Variants in AIFM3 observed in about 807,000 individuals in gnomAD.
The protein encoded by AIFM3 is AIF family member 3.
Under a neutral mutation model 82.7 loss-of-function variants are expected in AIFM3, and 71 were observed. The ratio of observed to expected loss-of-function variants is 0.86; its 90% CI spans 0.71 to 1.05. AIFM3 has a LOEUF of 1.05. Ranked by LOEUF, AIFM3 falls within the 50% of genes least tolerant of loss-of-function variation. The probability of loss-of-function intolerance (pLI) is 0.00; values close to 1 mark genes in which losing one functional copy is unlikely to be tolerated. For synonymous variants in AIFM3, 337 were observed against 329.1 expected, an observed-to-expected ratio of 1.02 and a Z score of -0.26; for missense variants, 748 against 816.7, an observed-to-expected ratio of 0.92 and a Z score of 1.03.
In AIFM3 at chr22:20,978,063, C is replaced by T. The variant is rs977468823; in HGVS notation, c.1477+58C>T. ...GGAGGGAGTCTCAGGGTCTCAGTGT[C>T]CCCATGCCCATGCCTCAGTTGCTGA... On this transcript the variant is annotated intron_variant, in intron 16 of 20. Coordinates refer to ENST00000440238, the MANE Select transcript of AIFM3 (RefSeq NM_001386814.1). 2.0e-6 allele frequency: 3 copies of T among 1,528,874 alleles called. No homozygotes were observed. The African/African-American group carries it at 4.1e-5, about 21-fold the overall frequency. 94.7% of individuals were successfully genotyped at this position (1,528,874 alleles called of 1,614,324 possible).
At chr22:20,974,452 C>A in intron 6 of AIFM3, 73 bp from the exon 7 acceptor site, 2 of 1,562,764 alleles carry the variant, frequency 1.3e-6, no homozygotes, top group Non-Finnish European at 8.7e-7. Flanking sequence ...TGGGCTGGAG[C>A]GCCAGGACCT....
chr22:20,977,447 G>C, intron 14 of AIFM3: 1 of 606,666 alleles, frequency 1.6e-6, no homozygotes, highest in Non-Finnish European at 2.9e-6. Context: ...GGCTGAGGAG[G>C]TATGGCATGC....
At chr22:20,978,992 G>A (rs1055600782) in intron 16 of AIFM3, among the ~76,000 whole-genome samples, 7 of 152,042 alleles carry the variant, frequency 4.6e-5, no homozygotes, top group Non-Finnish European at 1.0e-4. Flanking sequence ...AAATGGTGGC[G>A]TACTCCCCCA....
At chr22:20,968,122 G>A (rs1348065314) in intron 2 of AIFM3, 147 bp downstream of exon 2, 4 of 813,948 alleles carry the variant, frequency 4.9e-6, no homozygotes, top group South Asian at 1.8e-5. Context: ...ATACGCTGCC[G>A]CCAGGAGGGG....
rs1475188294 is a variant in AIFM3 at position 20,980,078 on chromosome 22, G to T, written c.1711G>T (p.Ala571Ser). 1.9e-6 allele frequency: 3 copies of T among 1,610,734 alleles called. No homozygotes were observed. Among genetic ancestry groups the T allele is most frequent in the Admixed American group, 1.7e-5 (1 of 60,016 alleles). The change falls in exon 19 of 21, where the codon GCT becomes TCT. Residue 571 changes from alanine (A) to serine (S), a missense_variant. By Grantham distance (99) the Ala-to-Ser change is moderately conservative. This residue lies in a region of AIFM3 where 183 missense variants were observed against 158.2 expected (regional missense o/e 1.16). Transcript: ENST00000440238. ...MNYDPIVSKV[A>S]EVLASGRAIR... ...CTACGATCCCATTGTGTCCAAGGTCGCTGAGGTGCTGGCCTCAGGCCGTGC... is the reference window on the plus strand; with the variant it reads ...CTACGATCCCATTGTGTCCAAGGTCTCTGAGGTGCTGGCCTCAGGCCGTGC...
intron 2 of AIFM3, among the ~76,000 whole-genome samples, chr22:20,968,611 G>T (rs1372119059): frequency 2.0e-5 from 3 of 152,268 alleles, no homozygotes; most frequent in African/African-American, 7.2e-5. Flanking sequence ...GGGGAGGCCT[G>T]GGTCTTTTCT....
chr22:20,971,679 G>C (rs1033395072), intron 2 of AIFM3, among the ~76,000 whole-genome samples: 5 of 152,192 alleles, frequency 3.3e-5, no homozygotes, highest in Non-Finnish European at 7.4e-5. Context: ...CTGGTGCCTT[G>C]GGAAGTGAGA....
intron 16 of AIFM3, among the ~76,000 whole-genome samples, 192 bp from the exon 17 acceptor site, chr22:20,979,079 G>T (rs562733130): frequency 4.6e-5 from 7 of 152,318 alleles, no homozygotes; most frequent in African/African-American, 1.7e-4. Flanking sequence ...GGCTAGCTTT[G>T]AGGCAGGTGT....
At position 20,973,801 on chromosome 22, in the gene AIFM3, A is replaced by G; in HGVS notation, c.289A>G (p.Lys97Glu). 6.3e-7 allele frequency: 1 copy of G among 1,583,862 alleles called. No homozygotes were observed. The highest frequency in any genetic ancestry group is 2.3e-5 in the East Asian group (1 of 43,750). The change falls in exon 4 of 21, where the codon AAG becomes GAG. Residue 97 changes from lysine (K) to glutamate (E), a missense_variant. Transcript: ENST00000440238. ...GGGCTGGGGGAAGGTGTTGCTGGTG[A>G]AGGACAATGGGGAGTTCCACGCCCT... is the stretch of plus-strand genomic sequence containing the variant. ...ELGWGKVLLVKDNGEFHALGH... is the reference protein window; with the variant it reads ...ELGWGKVLLVEDNGEFHALGH...
chr22:20,979,282 G>A lies in AIFM3; in HGVS notation c.1489G>A (p.Ala497Thr). ...QMAHAQGRVA[A>T]QNMLAQEAEM... ...CCTGGGTCCCGCAGGGCGCGTGGCA[G>A]CCCAGAACATGTTGGCGCAGGAGGC... The change falls in exon 17 of 21, where the codon GCC becomes ACC. Residue 497 changes from alanine (A) to threonine (T), a missense_variant. Around this residue, in one of 5 missense-constraint regions of AIFM3, gnomAD observed 183 missense variants for 158.2 expected, o/e 1.16. Transcript: ENST00000440238. 2 of 1,556,706 alleles carry A rather than the reference G, an allele frequency of 1.3e-6. No individual in the cohort carries two copies. Among genetic ancestry groups the A allele is most frequent in the South Asian group, 2.4e-5 (2 of 84,440 alleles).
intron 2 of AIFM3, 85 bp downstream of exon 2, chr22:20,968,060 C>G (rs941210587): frequency 5.2e-5 from 74 of 1,433,282 alleles, no homozygotes; most frequent in Non-Finnish European, 6.9e-5. Flanking sequence ...CCTCTGCACT[C>G]GGTAGGCCTC....
intron 9 of AIFM3, 150 bp from the exon 10 acceptor site, chr22:20,976,065 G>T (rs979531401): frequency 1.1e-6 from 1 of 870,214 alleles, no homozygotes; most frequent in Non-Finnish European, 1.8e-6. Context: ...TGTCTGAAGC[G>T]TAAAGAATGA....
At chr22:20,976,560 A>G (rs781439692) in intron 11 of AIFM3, 22 bp downstream of exon 11, 1 of 1,612,816 alleles carries the variant, frequency 6.2e-7, no homozygotes, top group Non-Finnish European at 8.5e-7. Context: ...TGGGCAGTGG[A>G]GATGGTGGTC....
chr22:20,978,911 GT>G (rs929520282), intron 16 of AIFM3, among the ~76,000 whole-genome samples: 3 of 151,980 alleles, frequency 2.0e-5, no homozygotes, highest in Admixed American at 2.0e-4. Flanking sequence ...GTGCTTCCCT[GT>G]GTACTTGTGC....
intron 16 of AIFM3, among the ~76,000 whole-genome samples, chr22:20,978,253 G>A (rs993549804): frequency 6.6e-6 from 1 of 150,862 alleles, no homozygotes; most frequent in Admixed American, 6.6e-5. Context: ...TTGTCTTCAA[G>A]GACATATATT....
Position 20,968,477 on chromosome 22 carries a change from C to T in AIFM3, c.31+502C>T, listed in dbSNP as rs527634524. Among the ~76,000 whole-genome samples, 9 of 152,260 alleles carry T rather than the reference C, an allele frequency of 5.9e-5. No homozygotes were observed. In the South Asian group the frequency reaches 1.2e-3, roughly 21 times the overall value. On this transcript the variant is annotated intron_variant, in intron 2 of 20. Coordinates refer to ENST00000440238, the MANE Select transcript of AIFM3 (RefSeq NM_001386814.1). ...CCTGGCTCTCTTTGCCTCCTCTGAT[C>T]CCCTGTGTGGTCTCGGGCTGCCTTC...
intron 20 of AIFM3, 94 bp from the exon 21 acceptor site, chr22:20,980,898 C>G: frequency 1.9e-6 from 3 of 1,607,472 alleles, no homozygotes; most frequent in Non-Finnish European, 1.7e-6. Flanking sequence ...ACAGAACAGA[C>G]CCCCTGCTGT....
Position 20,979,321 on chromosome 22 carries a change from G to A in AIFM3, c.1528G>A (p.Val510Met), listed in dbSNP as rs766894095. 6.4e-7 allele frequency: 1 copy of A among 1,560,924 alleles called. No individual in the cohort carries two copies. Among genetic ancestry groups the A allele is most frequent in the African/African-American group, 1.4e-5 (1 of 73,684 alleles). The change falls in exon 17 of 21, where the codon GTG (valine) becomes ATG (methionine). Residue 510 changes from valine to methionine, a missense_variant. Physicochemically the swap from Val to Met is conservative, Grantham distance 21. Coordinates refer to ENST00000440238, the MANE Select transcript of AIFM3 (RefSeq NM_001386814.1). ...GGCGCAGGAGGCGGAGATGAGCACT[G>A]TGCCCTACCTCTGGACCGCCATGTT... ...MLAQEAEMST[V>M]PYLWTAMFGK...
chr22:20,974,553 T>A lies in AIFM3; in HGVS notation c.539T>A (p.Val180Glu). ...CTACAGCTGCAGCGAAGGACCAAGG[T>A]GATGGCCAAGTGTATCTCTCCAAGT... ...QALQLQRRTKVMAKCISPSAG... is the reference protein window; with the variant it reads ...QALQLQRRTKEMAKCISPSAG... The change falls in exon 7 of 21, where the codon GTG (valine) becomes GAG (glutamate). Residue 180 changes from valine to glutamate, a missense_variant. Coordinates refer to ENST00000440238, the MANE Select transcript of AIFM3 (RefSeq NM_001386814.1). 6.2e-7 allele frequency: 1 copy of A among 1,613,346 alleles called. No homozygotes were observed. The highest frequency in any genetic ancestry group is 8.5e-7 in the Non-Finnish European group (1 of 1,179,750).
Sources: allele counts gnomAD v4.1 joint callset (sites outside exome capture counted in the v4.1 genomes callset), GRCh38; gene constraint gnomAD v4.1.1; regional missense constraint gnomAD v4.1.1; transcripts MANE v1.5; gene names NCBI Gene and HGNC (gene_info 2026-07-23, HGNC 2026-07-21).